SLC2A9: variants seen among roughly 807,000 people sequenced by gnomAD.
The protein encoded by SLC2A9 is solute carrier family 2 member 9.
Under a neutral mutation model 50.6 loss-of-function variants are expected in SLC2A9, and 39 were observed. The observed-to-expected ratio is 0.77, with a 90% CI of 0.60 to 1.01. The LOEUF is 1.01. Among genes scored for constraint, SLC2A9 ranks in the 50% least tolerant of loss-of-function variants. The pLI, the probability that SLC2A9 is intolerant of heterozygous loss-of-function variation, is 0.00. For missense variants in SLC2A9, 686 were observed against 677.6 expected, an observed-to-expected ratio of 1.01 and a Z score of -0.14; for synonymous variants, 324 against 276.9, an observed-to-expected ratio of 1.17 and a Z score of -1.69.
chr4:9,923,101 CAT>C (rs1744232809), intron 6 of SLC2A9, among the ~76,000 whole-genome samples: 1 of 152,100 alleles, frequency 6.6e-6, no homozygotes, highest in Non-Finnish European at 1.5e-5. Flanking sequence ...AAATAGCAAA[CAT>C]AGAAGACTGA....
At chr4:9,864,334 C>A (rs1339664386) in intron 10 of SLC2A9, among the ~76,000 whole-genome samples, 65 of 150,550 alleles carry the variant, frequency 4.3e-4, no homozygotes, top group Non-Finnish European at 4.4e-5. Flanking sequence ...TTCTTGACAG[C>A]AGAAGTGACC....
At chr4:9,972,439 AT>A (rs1438004463) in intron 5 of SLC2A9, among the ~76,000 whole-genome samples, 5 of 152,340 alleles carry the variant, frequency 3.3e-5, no homozygotes, top group African/African-American at 1.2e-4. Flanking sequence ...TTTATGATGT[AT>A]CTTTGATTAA....
intron 3 of SLC2A9, among the ~76,000 whole-genome samples, chr4:9,790,344 C>T (rs745360639): frequency 3.9e-5 from 6 of 152,196 alleles, no homozygotes; most frequent in Non-Finnish European, 8.8e-5. Flanking sequence ...GGTAATTAGA[C>T]CTCAGTTGTC....
chr4:9,806,866 G>C (rs1000226048), intron 3 of SLC2A9, among the ~76,000 whole-genome samples: 6 of 152,142 alleles, frequency 3.9e-5, no homozygotes, highest in Non-Finnish European at 7.3e-5. Flanking sequence ...ACTCAAAATA[G>C]CTTCTCCAGA....
At chr4:10,023,472 C>A (rs1763647510), upstream of SLC2A9, among the ~76,000 whole-genome samples, 1 of 152,216 alleles carries the variant, frequency 6.6e-6, no homozygotes, top group African/African-American at 2.4e-5. Flanking sequence ...CCAGATTTTG[C>A]TAAAGCTCAA....
intron 11 of SLC2A9, among the ~76,000 whole-genome samples, chr4:9,832,743 C>G (rs1401996282): frequency 6.6e-6 from 1 of 152,202 alleles, no homozygotes; most frequent in Non-Finnish European, 1.5e-5. Flanking sequence ...GTTACTACAT[C>G]TCTCTGAGCT....
chr4:9,799,860 C>T (rs1198800998), intron 3 of SLC2A9, among the ~76,000 whole-genome samples: 1 of 152,000 alleles, frequency 6.6e-6, no homozygotes, highest in Non-Finnish European at 1.5e-5. Flanking sequence ...GCAAGAGAAC[C>T]GTTACTGAGG....
chr4:9,897,650 G>T (rs1217180711), intron 8 of SLC2A9, among the ~76,000 whole-genome samples: 1 of 152,126 alleles, frequency 6.6e-6, no homozygotes, highest in African/African-American at 2.4e-5. Context: ...ACTTTGGGAG[G>T]CCAAAATGGG....
At chr4:9,822,982 AC>A (rs1724612425), downstream of SLC2A9, among the ~76,000 whole-genome samples, 1 of 152,046 alleles carries the variant, frequency 6.6e-6, no homozygotes, top group African/African-American at 2.4e-5. Context: ...TATTAACTAT[AC>A]TTTGGGTTTT....
chr4:10,031,706 C>A (rs1025151151), intron 1 of SLC2A9, among the ~76,000 whole-genome samples: 29 of 152,376 alleles, frequency 1.9e-4, no homozygotes, highest in Non-Finnish European at 2.9e-4. Flanking sequence ...GACTCCGTTG[C>A]AGAACTCCTG....
intron 10 of SLC2A9, among the ~76,000 whole-genome samples, chr4:9,855,504 T>C (rs958402740): frequency 4.0e-5 from 6 of 151,192 alleles, no homozygotes; most frequent in Non-Finnish European, 5.9e-5. Context: ...ATGCTTATGA[T>C]AGGAAAAATC....
At chr4:9,877,274 C>T (rs1295515128) in intron 10 of SLC2A9, among the ~76,000 whole-genome samples, 3 of 152,216 alleles carry the variant, frequency 2.0e-5, no homozygotes, top group Non-Finnish European at 4.4e-5. Context: ...CCCGTACCTG[C>T]CTAAGCACCC....
chr4:10,021,892 T>C (rs188226263), upstream of SLC2A9, among the ~76,000 whole-genome samples: 157 of 150,296 alleles, frequency 1.0e-3, no homozygotes, highest in African/African-American at 3.7e-3. Flanking sequence ...CGGGCTGGAG[T>C]GCACTGATGC....
chr4:9,910,376 T>C (rs543758345), intron 7 of SLC2A9, among the ~76,000 whole-genome samples: 2 of 152,332 alleles, frequency 1.3e-5, no homozygotes, highest in African/African-American at 4.8e-5. Context: ...AAACTCTATG[T>C]CCATTGAATA....
Position 9,980,647 on chromosome 4 carries a change from A to C in SLC2A9, c.626T>G (p.Ile209Ser), listed in dbSNP as rs766875905. The change falls in exon 5 of 12, where the codon ATC becomes AGC. Residue 209 changes from isoleucine to serine, a missense_variant. Coordinates refer to ENST00000264784, the MANE Select transcript of SLC2A9 (RefSeq NM_020041.3). ...CTGCCCAGTGAACACGCCAATGCAG[A>C]TAAAGATGGCAGTCACCTGCCCCAG... ...GSLGQVTAIF[I>S]CIGVFTGQLL... The C allele has an allele frequency of 3.1e-6, 5 of 1,614,190 alleles. No homozygotes were observed. The highest frequency in any genetic ancestry group is 4.2e-6 in the Non-Finnish European group (5 of 1,180,040).
intron 2 of SLC2A9, among the ~76,000 whole-genome samples, chr4:10,014,305 G>A (rs1330892212): frequency 2.6e-5 from 4 of 152,180 alleles, no homozygotes; most frequent in East Asian, 3.9e-4. Context: ...CAAGGGGCTC[G>A]ACACCAGCCC....
chr4:9,890,778 C>T (rs1219714697), intron 8 of SLC2A9, 67 bp from the exon 9 acceptor site: 3 of 1,401,314 alleles, frequency 2.1e-6, no homozygotes, highest in Admixed American at 1.8e-5. Context: ...GGGAATGTGG[C>T]ACTGGGAACC....
rs79598790 is a variant in SLC2A9 at position 9,864,856 on chromosome 4, C to T, written c.1291+22711G>A. Among the ~76,000 whole-genome samples, 1,451 of 152,318 alleles carry T rather than the reference C, an allele frequency of 9.5e-3. 19 individuals are homozygous for T. The highest frequency in any genetic ancestry group is 0.032 in the African/African-American group (1,332 of 41,570). ...AGGGGTTTTGCAGATGTGGTTAAGT[C>T]GAGGATCTTCAGATAGGGAGATTAT... On this transcript the variant is annotated intron_variant, in intron 10 of 11. Coordinates refer to ENST00000264784, the MANE Select transcript of SLC2A9 (RefSeq NM_020041.3).
At chr4:9,800,200 G>C (rs749721422) in intron 3 of SLC2A9, among the ~76,000 whole-genome samples, 8 of 152,330 alleles carry the variant, frequency 5.3e-5, no homozygotes, top group Non-Finnish European at 1.2e-4. Flanking sequence ...CTTGAACTCA[G>C]TGCAGAACTG....
Sources: gnomAD v4.1 joint callset for allele counts (sites outside exome capture counted in the v4.1 genomes callset) on GRCh38, gnomAD v4.1.1 for gene constraint, MANE v1.5 for transcripts, NCBI Gene and HGNC (gene_info 2026-07-23, HGNC 2026-07-21) for gene names.